Variants in MGAM2 observed in about 807,000 individuals in gnomAD.
MGAM2 encodes maltase-glucoamylase 2 (putative).
In MGAM2, 98 loss-of-function variants were observed where a neutral mutation model predicts 96.1. The ratio of observed to expected loss-of-function variants is 1.02; its 90% CI spans 0.87 to 1.21. The LOEUF is 1.21. MGAM2 is among the 50% of genes most tolerant of loss of function. MGAM2 has a pLI of 0.00. For missense variants in MGAM2, 2,055 were observed against 1,182.4 expected, an observed-to-expected ratio of 1.74 and a Z score of -10.82; for synonymous variants, 749 against 414.8, an observed-to-expected ratio of 1.81 and a Z score of -9.79.
At chr7:142,216,726 T>C (rs928354855) in intron 46 of MGAM2, among the ~76,000 whole-genome samples, 9 of 152,222 alleles carry the variant, frequency 5.9e-5, no homozygotes, top group African/African-American at 2.2e-4. Context: ...TTGAGCTGTA[T>C]ATTTTTTCCT....
At chr7:142,197,819 C>T (rs1423474432) in intron 42 of MGAM2, 91 bp downstream of exon 42, 1 of 689,780 alleles carries the variant, frequency 1.4e-6, no homozygotes, top group Non-Finnish European at 2.6e-6. Context: ...TTTTGTCCAG[C>T]TCACTATTTT....
chr7:142,180,115 T>A lies in MGAM2; in HGVS notation c.3817-3151T>A, dbSNP rs768374334. Among the ~76,000 whole-genome samples the A allele has an allele frequency of 3.9e-4, 59 of 152,278 alleles. No homozygotes were observed. In the Middle Eastern group the frequency reaches 0.017, roughly 44 times the overall value. Reference sequence around the variant, plus strand: ...TGTGTGTTTCTAGGAATTTATTCATTTCCTCTAGATTTTCTAGTTTGTGTG... The same window carrying A: ...TGTGTGTTTCTAGGAATTTATTCATATCCTCTAGATTTTCTAGTTTGTGTG... On this transcript the variant is annotated intron_variant, in intron 32 of 47. Coordinates refer to ENST00000477922, the MANE Select transcript of MGAM2 (RefSeq NM_001293626.2).
chr7:142,180,728 C>G (rs1261034406), intron 32 of MGAM2, among the ~76,000 whole-genome samples: 1 of 152,070 alleles, frequency 6.6e-6, no homozygotes, highest in Non-Finnish European at 1.5e-5. Context: ...AGGTTTTGTT[C>G]ATTTTTAAAA....
In MGAM2 at chr7:142,221,170, C is replaced by G; in HGVS notation, c.6659C>G (p.Thr2220Ser). 1.4e-6 allele frequency: 1 copy of G among 702,522 alleles called. No individual in the cohort carries two copies. The highest frequency in any genetic ancestry group is 2.6e-6 in the Non-Finnish European group (1 of 384,746). 43.5% of individuals were successfully genotyped at this position (702,522 alleles called of 1,614,324 possible). ...NAMNTTVIMA[T>S]TSPTSTDVAS... ...ATGAACACTACTGTTATTATGGCAA[C>G]TACTTCTCCTACAAGTACTGATGTT... Residue 2220 changes from threonine (T) to serine (S), a missense_variant, in exon 48 of 48, where the codon ACT becomes AGT. Physicochemically the swap from Thr to Ser is moderately conservative, Grantham distance 58. Transcript: ENST00000477922.
chr7:142,186,718 C>T (rs1797545663), intron 35 of MGAM2, among the ~76,000 whole-genome samples: 1 of 152,206 alleles, frequency 6.6e-6, no homozygotes, highest in Non-Finnish European at 1.5e-5. Flanking sequence ...CTTAAGCAAG[C>T]TCTAGGCCAG....
rs375224537 is a variant in MGAM2, at chr7:142,168,075, T to G, written c.3027+589T>G. Among the ~76,000 whole-genome samples, 126 of 152,300 alleles carry G rather than the reference T, an allele frequency of 8.3e-4. 3 individuals carry two copies. In the South Asian group the frequency reaches 0.024, roughly 30 times the overall value. On this transcript the variant is annotated intron_variant, in intron 26 of 47. Transcript: ENST00000477922. ...AGCCCTGAGAAAAATGGATCTGCTTTGTGGCAAACTCACATGAGAGGCATT... is the reference window on the plus strand; with the variant it reads ...AGCCCTGAGAAAAATGGATCTGCTTGGTGGCAAACTCACATGAGAGGCATT...
At chr7:142,121,670 T>C (rs1295021050) in intron 3 of MGAM2, among the ~76,000 whole-genome samples, 1 of 150,700 alleles carries the variant, frequency 6.6e-6, no homozygotes, top group Non-Finnish European at 1.5e-5. Flanking sequence ...TTTTTATATT[T>C]ATTATTTTTA....
intron 1 of MGAM2, among the ~76,000 whole-genome samples, 190 bp downstream of exon 1, chr7:142,111,997 A>AC (rs1491440867): frequency 1.1e-3 from 104 of 91,674 alleles, no homozygotes; most frequent in African/African-American, 4.3e-3. Context: ...GAGAGGAGAG[A>AC]CTGTGTGTGT....
intron 37 of MGAM2, among the ~76,000 whole-genome samples, chr7:142,192,004 G>A (rs1033179013): frequency 1.8e-4 from 27 of 151,708 alleles, no homozygotes; most frequent in African/African-American, 5.6e-4. Context: ...TTCCAATGTC[G>A]TTGGGAAATT....
intron 6 of MGAM2, among the ~76,000 whole-genome samples, chr7:142,133,213 AAT>A (rs1273561622): frequency 7.0e-6 from 1 of 142,562 alleles, no homozygotes; most frequent in African/African-American, 2.5e-5. Flanking sequence ...TAAATATATA[AAT>A]ATATATTTTA....
chr7:142,118,856 A>G (rs1013747687), intron 2 of MGAM2, among the ~76,000 whole-genome samples: 17 of 152,224 alleles, frequency 1.1e-4, no homozygotes, highest in African/African-American at 4.1e-4. Flanking sequence ...AAATTGATCA[A>G]AGACTTAATA....
chr7:142,186,473 A>C (rs1294676544), intron 35 of MGAM2, among the ~76,000 whole-genome samples: 2 of 152,206 alleles, frequency 1.3e-5, no homozygotes, highest in Non-Finnish European at 2.9e-5. Context: ...CTTACAGGGC[A>C]GAGCTGGGAG....
At chr7:142,134,930 A>G (rs899795132) in intron 7 of MGAM2, among the ~76,000 whole-genome samples, 3 of 152,232 alleles carry the variant, frequency 2.0e-5, no homozygotes, top group Non-Finnish European at 2.9e-5. Flanking sequence ...TTCAATTGCT[A>G]TAAAAGAATT....
rs979455362 is a variant in MGAM2, at chr7:142,196,281, A to G, written c.4474A>G (p.Ile1492Val). The change falls in exon 38 of 48, where the codon ATC becomes GTC. Residue 1492 changes from isoleucine to valine, a missense_variant. By Grantham distance (29) the Ile-to-Val change is conservative. Coordinates refer to ENST00000477922, the MANE Select transcript of MGAM2 (RefSeq NM_001293626.2). The stretch of plus-strand genomic sequence containing the variant: ...TGCATGGGACCAGCTGGGGAAATCT[A>G]TCATTGGTGTGTGGGCTCATTCCCA... ...TAAWDQLGKS[I>V]IGMMEFSLFG... 9 of 763,656 alleles carry G rather than the reference A, an allele frequency of 1.2e-5. No individual in the cohort carries two copies. Among genetic ancestry groups the G allele is most frequent in the Admixed American group, 4.0e-5 (2 of 50,040 alleles). 47.3% of individuals were successfully genotyped at this position (763,656 alleles called of 1,614,324 possible).
chr7:142,155,898 C>T (rs1366189015), intron 17 of MGAM2, among the ~76,000 whole-genome samples: 2 of 152,232 alleles, frequency 1.3e-5, no homozygotes, highest in Non-Finnish European at 2.9e-5. Flanking sequence ...GTAATCCCAG[C>T]ACTTTGGGAG....
chr7:142,147,570 A>T lies in MGAM2; in HGVS notation c.1631A>T (p.Asn544Ile), dbSNP rs1420944452. 1 of 701,658 alleles carries T rather than the reference A, an allele frequency of 1.4e-6. No homozygotes were observed. Among genetic ancestry groups the T allele is most frequent in the Non-Finnish European group, 2.6e-6 (1 of 384,582 alleles). 43.5% of individuals were successfully genotyped at this position (701,658 alleles called of 1,614,324 possible). Residue 544 changes from asparagine (N) to isoleucine (I), a missense_variant, in exon 15 of 48, where the codon AAC (asparagine) becomes ATC (isoleucine). Transcript: ENST00000477922. ...LYGHSMARTT[N>I]LALETIFMNN... ...GGCCACTCCATGGCAAGAACCACAA[A>T]CTTGTAAGGACTTGGTTTTCACCCT...
At chr7:142,164,439 C>G (rs1278913455) in intron 23 of MGAM2, among the ~76,000 whole-genome samples, 1 of 152,084 alleles carries the variant, frequency 6.6e-6, no homozygotes, top group African/African-American at 2.4e-5. Context: ...TCAGATTATT[C>G]TTAGCTCTTA....
chr7:142,160,364 T>C (rs1795853380), intron 21 of MGAM2, 106 bp downstream of exon 21: 3 of 577,270 alleles, frequency 5.2e-6, no homozygotes, highest in Admixed American at 3.2e-5. Context: ...AAGGGATAAG[T>C]CACCCATCAG....
chr7:142,158,931 A>G (rs890972374), intron 19 of MGAM2, among the ~76,000 whole-genome samples: 4 of 152,134 alleles, frequency 2.6e-5, no homozygotes, highest in African/African-American at 9.7e-5. Flanking sequence ...TTATAGCCAC[A>G]CTATCTGATG....
Sources: allele counts gnomAD v4.1 joint callset (sites outside exome capture counted in the v4.1 genomes callset), GRCh38; gene constraint gnomAD v4.1.1; transcripts MANE v1.5; gene names NCBI Gene and HGNC (gene_info 2026-07-23, HGNC 2026-07-21).